Variants in HS3ST4 observed in about 807,000 individuals in gnomAD.
The protein encoded by HS3ST4 is heparan sulfate-glucosamine 3-sulfotransferase 4, also known as heparan sulfate glucosamine 3-O-sulfotransferase 4.
HS3ST4 carries 17 observed loss-of-function variants against 29.2 expected under a neutral mutation model. That is an observed-to-expected ratio of 0.58 (90% CI 0.40 to 0.87). The LOEUF is 0.87. Ranked by LOEUF, HS3ST4 falls within the 40% of genes least tolerant of loss-of-function variation. The pLI is 0.00. For synonymous variants in HS3ST4, 314 were observed against 285.7 expected (o/e 1.10, Z -1.00); for missense variants, 627 against 634.5 (o/e 0.99, Z 0.13).
At chr16:25,830,138 A>G (rs1467299289) in intron 1 of HS3ST4, among the ~76,000 whole-genome samples, 1 of 152,224 alleles carries the variant, frequency 6.6e-6, no homozygotes, top group Non-Finnish European at 1.5e-5. Flanking sequence ...AATACATTAA[A>G]TGGGCTCTTC....
chr16:26,094,604 C>T (rs1043602340), intron 1 of HS3ST4, among the ~76,000 whole-genome samples: 2 of 152,120 alleles, frequency 1.3e-5, no homozygotes, highest in African/African-American at 4.8e-5. Flanking sequence ...TACAAGAGCT[C>T]CTGAAGGAAG....
Position 25,692,299 on chromosome 16 carries a change from C to T in HS3ST4, c.-119C>T. Reference sequence around the variant, plus strand: ...GCGTCGCTTCATGCAGCCGGGGCGGCTGGGCAGCGGCGGCGGCGGCGGCGG... The same window carrying T: ...GCGTCGCTTCATGCAGCCGGGGCGGTTGGGCAGCGGCGGCGGCGGCGGCGG... On this transcript the variant is annotated 5_prime_UTR_variant, in exon 1 of 2. Coordinates refer to ENST00000331351, the MANE Select transcript of HS3ST4 (RefSeq NM_006040.3). 3 of 147,502 alleles carry T rather than the reference C, an allele frequency of 2.0e-5. No individual in the cohort carries two copies. The highest frequency in any genetic ancestry group is 2.1e-4 in the East Asian group (1 of 4,730). 9.1% of individuals were successfully genotyped at this position (147,502 alleles called of 1,614,324 possible). A position where few individuals can be genotyped will look rare whatever the true frequency, so the allele number is the denominator to read the frequency against.
chr16:26,081,372 G>A (rs1298337687), intron 1 of HS3ST4, among the ~76,000 whole-genome samples: 1 of 152,026 alleles, frequency 6.6e-6, no homozygotes, highest in Non-Finnish European at 1.5e-5. Flanking sequence ...TGAGCCACAG[G>A]ATTTTGTTTT....
chr16:26,035,257 G>C (rs1332144059), intron 1 of HS3ST4, among the ~76,000 whole-genome samples: 2 of 152,104 alleles, frequency 1.3e-5, no homozygotes, highest in African/African-American at 4.8e-5. Context: ...TATTTGCTTG[G>C]TCTCCACCTC....
chr16:26,036,293 G>A (rs1435830876), intron 1 of HS3ST4, among the ~76,000 whole-genome samples: 3 of 152,316 alleles, frequency 2.0e-5, no homozygotes, highest in African/African-American at 7.2e-5. Context: ...GGAAGCTGGG[G>A]CTGACAGGAG....
chr16:25,961,486 AG>A (rs1163533314), intron 1 of HS3ST4, among the ~76,000 whole-genome samples: 1 of 152,194 alleles, frequency 6.6e-6, no homozygotes, highest in Non-Finnish European at 1.5e-5. Flanking sequence ...AAGTGTATTG[AG>A]CACTTACTTG....
intron 1 of HS3ST4, among the ~76,000 whole-genome samples, chr16:26,051,282 C>A (rs1000077383): frequency 6.6e-6 from 1 of 151,972 alleles, no homozygotes; most frequent in Admixed American, 6.6e-5. Flanking sequence ...AATTACCCTG[C>A]AAACCTCAAG....
At chr16:25,719,663 G>C (rs745772374) in intron 1 of HS3ST4, among the ~76,000 whole-genome samples, 1 of 152,206 alleles carries the variant, frequency 6.6e-6, no homozygotes, top group Non-Finnish European at 1.5e-5. Flanking sequence ...TCATATGCTA[G>C]CATAAGAGTA....
intron 1 of HS3ST4, among the ~76,000 whole-genome samples, chr16:25,732,680 A>G (rs1966578442): frequency 6.6e-6 from 1 of 152,186 alleles, no homozygotes; most frequent in Admixed American, 6.5e-5. Flanking sequence ...ATTTAACAGC[A>G]ACAACAATCA....
chr16:26,131,830 G>A (rs1435381689), intron 1 of HS3ST4, among the ~76,000 whole-genome samples: 1 of 152,170 alleles, frequency 6.6e-6, no homozygotes, highest in African/African-American at 2.4e-5. Context: ...CTTAGGAGTG[G>A]AGATTAATGG....
At chr16:25,946,247 C>A (rs1968625363) in intron 1 of HS3ST4, among the ~76,000 whole-genome samples, 1 of 152,184 alleles carries the variant, frequency 6.6e-6, no homozygotes, top group South Asian at 2.1e-4. Context: ...TGTTGAGGGA[C>A]ATGGGATGAA....
At chr16:26,017,925 C>T (rs538850881) in intron 1 of HS3ST4, among the ~76,000 whole-genome samples, 1 of 152,302 alleles carries the variant, frequency 6.6e-6, no homozygotes, top group African/African-American at 2.4e-5. Context: ...CAGAGAGGAA[C>T]TTCCTACATG....
intron 1 of HS3ST4, among the ~76,000 whole-genome samples, chr16:25,872,369 T>C (rs916173384): frequency 6.6e-6 from 1 of 152,214 alleles, no homozygotes; most frequent in Non-Finnish European, 1.5e-5. Context: ...CTGAACTTCG[T>C]GGCTTATAAT....
At chr16:25,872,599 T>G (rs1347158962) in intron 1 of HS3ST4, among the ~76,000 whole-genome samples, 1 of 131,548 alleles carries the variant, frequency 7.6e-6, no homozygotes, top group Non-Finnish European at 1.7e-5. Flanking sequence ...TTAGCCTGAG[T>G]GTTCACAACA....
intron 1 of HS3ST4, among the ~76,000 whole-genome samples, chr16:25,836,676 CA>C (rs1243332256): frequency 1.3e-5 from 2 of 152,130 alleles, no homozygotes; most frequent in Non-Finnish European, 2.9e-5. Context: ...GCGTGTTTGT[CA>C]GCGTAGAAAT....
At chr16:25,855,666 C>G (rs1967567716) in intron 1 of HS3ST4, among the ~76,000 whole-genome samples, 1 of 152,086 alleles carries the variant, frequency 6.6e-6, no homozygotes, top group Non-Finnish European at 1.5e-5. Flanking sequence ...TTATGTCTGA[C>G]CTCCCTTCCC....
intron 1 of HS3ST4, among the ~76,000 whole-genome samples, chr16:26,084,406 T>C (rs13334781): frequency 0.034 from 5,179 of 152,288 alleles, 281 homozygotes; most frequent in African/African-American, 0.11. Flanking sequence ...TTTGCTGGAA[T>C]TGGCTTTCTC....
In HS3ST4 at chr16:26,136,287, G is replaced by A; in HGVS notation, c.*39G>A. 1 of 1,562,502 alleles carries A rather than the reference G, an allele frequency of 6.4e-7. No homozygotes were observed. Among genetic ancestry groups the A allele is most frequent in the East Asian group, 2.3e-5 (1 of 44,214 alleles). Reference sequence around the variant, plus strand: ...GAGGAAGGCTAGTCAATAAGCTAAGGAGGCTCCTTGCCTGAGTCCTTGAAT... The same window carrying A: ...GAGGAAGGCTAGTCAATAAGCTAAGAAGGCTCCTTGCCTGAGTCCTTGAAT... On this transcript the variant is annotated 3_prime_UTR_variant, in exon 2 of 2. Coordinates refer to ENST00000331351, the MANE Select transcript of HS3ST4 (RefSeq NM_006040.3).
chr16:25,890,023 A>G (rs1036401851), intron 1 of HS3ST4, among the ~76,000 whole-genome samples: 39 of 152,254 alleles, frequency 2.6e-4, no homozygotes, highest in African/African-American at 9.4e-4. Context: ...TCTTTCTTTT[A>G]TAAATTACCC....
Sources: gnomAD v4.1 joint callset for allele counts (sites outside exome capture counted in the v4.1 genomes callset) on GRCh38, gnomAD v4.1.1 for gene constraint, MANE v1.5 for transcripts, NCBI Gene and HGNC (gene_info 2026-07-23, HGNC 2026-07-21) for gene names.